The following SCGN variants were observed in gnomAD, a reference collection of about 807,000 sequenced individuals.
SCGN encodes the protein secretagogin.
A neutral mutation model predicts 39.7 loss-of-function variants in SCGN; 30 were observed. The ratio of observed to expected loss-of-function variants is 0.76; its 90% confidence interval spans 0.57 to 1.03. SCGN has a LOEUF of 1.03. Ranked by LOEUF, SCGN falls within the 50% of genes least tolerant of loss-of-function variation. The pLI, the probability that SCGN is intolerant of heterozygous loss-of-function variation, is 0.00. For synonymous variants in SCGN, 106 were observed against 114.1 expected, an observed-to-expected ratio of 0.93 and a Z score of 0.45; for missense variants, 353 against 349.4, an observed-to-expected ratio of 1.01 and a Z score of -0.08.
At chr6:25,666,379 T>C (rs1760425814) in intron 4 of SCGN, among the ~76,000 whole-genome samples, 1 of 152,056 alleles carries the variant, frequency 6.6e-6, no homozygotes. Context: ...AATTCTACTT[T>C]TTCAGGCATC....
intron 10 of SCGN, among the ~76,000 whole-genome samples, chr6:25,698,501 T>C (rs1360881837): frequency 6.6e-6 from 1 of 152,220 alleles, no homozygotes; most frequent in Non-Finnish European, 1.5e-5. Flanking sequence ...CTGGGGCCGT[T>C]TAGTGGAGAA....
chr6:25,673,533 G>T (rs59570431), intron 6 of SCGN, among the ~76,000 whole-genome samples: 1 of 152,230 alleles, frequency 6.6e-6, no homozygotes, highest in Admixed American at 6.5e-5. Flanking sequence ...GCCTAGATTC[G>T]TAAGTCTAGA....
At chr6:25,669,697 G>A (rs1400094452) in intron 5 of SCGN, 130 bp downstream of exon 5, 4 of 711,918 alleles carry the variant, frequency 5.6e-6, no homozygotes, top group African/African-American at 3.6e-5. Flanking sequence ...ACATACATAT[G>A]TACATATATG....
intron 4 of SCGN, among the ~76,000 whole-genome samples, chr6:25,667,630 T>G (rs1760444258): frequency 6.6e-6 from 1 of 152,208 alleles, no homozygotes; most frequent in African/African-American, 2.4e-5. Context: ...GCTACCATTG[T>G]CTTTGTTCGC....
intron 10 of SCGN, among the ~76,000 whole-genome samples, chr6:25,695,092 A>G (rs1190085924): frequency 6.6e-6 from 1 of 152,150 alleles, no homozygotes; most frequent in African/African-American, 2.4e-5. Context: ...GTATATGTTG[A>G]CTTTACATGG....
At chr6:25,681,466 C>T (rs1759636114) in intron 6 of SCGN, among the ~76,000 whole-genome samples, 1 of 152,232 alleles carries the variant, frequency 6.6e-6, no homozygotes, top group Non-Finnish European at 1.5e-5. Context: ...GTAGTCGTTG[C>T]TGCTATCCTC....
chr6:25,684,027 CA>C (rs1759670728), intron 7 of SCGN, among the ~76,000 whole-genome samples: 1 of 152,186 alleles, frequency 6.6e-6, no homozygotes, highest in African/African-American at 2.4e-5. Flanking sequence ...AATTTCCATG[CA>C]ATGCCAGAAA....
chr6:25,660,188 CAGT>C (rs1158469713), intron 2 of SCGN, among the ~76,000 whole-genome samples: 1 of 152,162 alleles, frequency 6.6e-6, no homozygotes, highest in Non-Finnish European at 1.5e-5. Flanking sequence ...CTCTGGCTGG[CAGT>C]CCAAAAATGT....
intron 2 of SCGN, among the ~76,000 whole-genome samples, chr6:25,657,472 G>C (rs2151376698): frequency 6.6e-6 from 1 of 152,114 alleles, no homozygotes; most frequent in South Asian, 2.1e-4. Context: ...ACAAGTGAAA[G>C]GTGCTTTTAG....
chr6:25,684,435 A>C (rs1346241391), intron 7 of SCGN, among the ~76,000 whole-genome samples: 1 of 152,168 alleles, frequency 6.6e-6, no homozygotes, highest in Non-Finnish European at 1.5e-5. Context: ...GGGGGTGCCA[A>C]GTGTATTTCA....
At chr6:25,700,909 G>A (rs1024458911) in intron 10 of SCGN, among the ~76,000 whole-genome samples, 14 of 152,162 alleles carry the variant, frequency 9.2e-5, no homozygotes, top group Non-Finnish European at 2.1e-4. Context: ...CCTACTTTGC[G>A]GCAAAGTATC....
At chr6:25,691,012 C>T (rs1423052389) in intron 9 of SCGN, 44 bp from the exon 10 acceptor site, 1 of 1,528,874 alleles carries the variant, frequency 6.5e-7, no homozygotes, top group South Asian at 1.1e-5. Flanking sequence ...TGCTTTTTGG[C>T]TTAAGAAACT....
intron 10 of SCGN, among the ~76,000 whole-genome samples, chr6:25,700,710 A>G (rs1759900659): frequency 6.6e-6 from 1 of 152,164 alleles, no homozygotes; most frequent in African/African-American, 2.4e-5. Context: ...TCTAGCTAAC[A>G]TTCTTTCTTG....
intron 9 of SCGN, among the ~76,000 whole-genome samples, chr6:25,690,833 A>G (rs1759765070): frequency 6.6e-6 from 1 of 152,240 alleles, no homozygotes; most frequent in Non-Finnish European, 1.5e-5. Flanking sequence ...AGGAACTCAA[A>G]AGTATGACTT....
intron 10 of SCGN, 52 bp downstream of exon 10, chr6:25,691,176 C>T: frequency 2.2e-6 from 3 of 1,343,866 alleles, no homozygotes; most frequent in Non-Finnish European, 3.2e-6. Flanking sequence ...TTGATTTATT[C>T]CATTGTTTAT....
intron 7 of SCGN, among the ~76,000 whole-genome samples, chr6:25,686,154 C>T (rs1281697515): frequency 6.6e-6 from 1 of 152,082 alleles, no homozygotes; most frequent in African/African-American, 2.4e-5. Context: ...GAGTTGTTTT[C>T]ACTTTTTAGA....
chr6:25,701,171 G>C (rs372540930), intron 10 of SCGN, 36 bp from the exon 11 acceptor site: 1 of 1,588,548 alleles, frequency 6.3e-7, no homozygotes, highest in Non-Finnish European at 8.6e-7. Context: ...AACACCATTG[G>C]CTTGCCTGTT....
chr6:25,676,519 A>C (rs1040027227), intron 6 of SCGN, among the ~76,000 whole-genome samples: 2 of 152,222 alleles, frequency 1.3e-5, no homozygotes, highest in Admixed American at 6.5e-5. Context: ...GGTTCTTTGC[A>C]CTTGCCATAT....
chr6:25,672,588 A>G (rs1759514846), intron 6 of SCGN, among the ~76,000 whole-genome samples: 2 of 152,168 alleles, frequency 1.3e-5, no homozygotes, highest in Admixed American at 6.5e-5. Flanking sequence ...GAACAGGGAG[A>G]AACCAGCATG....
Sources: allele counts gnomAD v4.1 joint callset (sites outside exome capture counted in the v4.1 genomes callset), GRCh38; gene constraint gnomAD v4.1.1; transcripts MANE v1.5; gene names NCBI Gene and HGNC (gene_info 2026-07-23, HGNC 2026-07-21).